The following CREM variants were observed in gnomAD, a reference collection of about 807,000 sequenced individuals.
CREM encodes the protein cAMP-responsive element modulator.
A neutral mutation model predicts 37.3 loss-of-function variants in CREM; 13 were observed. That is an observed-to-expected ratio of 0.35 (90% CI 0.23 to 0.55). The LOEUF (loss-of-function observed/expected upper bound fraction) is 0.55, where lower values mean the gene tolerates loss of function less well. Among genes scored for constraint, CREM ranks in the 20% least tolerant of loss-of-function variants. CREM has a pLI of 0.88. For synonymous variants in CREM, 124 were observed against 120.2 expected (o/e 1.03, Z -0.21); for missense variants, 296 against 362.3 (o/e 0.82, Z 1.49).
chr10:35,195,963 C>T (rs1382739365), intron 6 of CREM: 1 of 1,295,566 alleles, frequency 7.7e-7, no homozygotes, highest in African/African-American at 1.5e-5. Flanking sequence ...CTCCAAGCTG[C>T]CTTTTAGACT....
chr10:35,196,145 G>A (rs1253641375), intron 6 of CREM: 4 of 1,602,628 alleles, frequency 2.5e-6, no homozygotes, highest in Middle Eastern at 1.7e-4. Flanking sequence ...TGCGCCTGGT[G>A]AGAAATGGAT....
chr10:35,157,320 C>CT (rs2092975800), intron 3 of CREM, among the ~76,000 whole-genome samples: 1 of 152,052 alleles, frequency 6.6e-6, no homozygotes, highest in South Asian at 2.1e-4. Context: ...AGCTTTTTCT[C>CT]TAAGATCTGG....
At chr10:35,146,616 A>G (rs1440977343) in intron 2 of CREM, among the ~76,000 whole-genome samples, 1 of 152,158 alleles carries the variant, frequency 6.6e-6, no homozygotes, top group Non-Finnish European at 1.5e-5. Context: ...TGGAGAGGCC[A>G]CTCTGGGAAG....
chr10:35,139,851 A>C (rs554700080), intron 2 of CREM, among the ~76,000 whole-genome samples: 2 of 152,312 alleles, frequency 1.3e-5, no homozygotes, highest in Admixed American at 6.5e-5. Context: ...TGATTTATAG[A>C]TGTTAATGTT....
intron 5 of CREM, 75 bp from the exon 6 acceptor site, chr10:35,188,125 G>A: frequency 7.3e-7 from 1 of 1,373,074 alleles, no homozygotes; most frequent in Non-Finnish European, 9.9e-7. Flanking sequence ...TAGACCCAGA[G>A]TATATTCTTC....
chr10:35,137,364 T>G (rs989181010), intron 1 of CREM, among the ~76,000 whole-genome samples: 1 of 152,168 alleles, frequency 6.6e-6, no homozygotes, highest in Admixed American at 6.5e-5. Context: ...GAGTGAAATA[T>G]AAGGAAATAA....
chr10:35,196,041 A>C, intron 6 of CREM: 2 of 1,613,828 alleles, frequency 1.2e-6, no homozygotes, highest in Non-Finnish European at 1.7e-6. Context: ...GAAGAGGGAA[A>C]CACGTCATGA....
At chr10:35,156,152 G>A (rs1458482981) in intron 3 of CREM, among the ~76,000 whole-genome samples, 2 of 151,416 alleles carry the variant, frequency 1.3e-5, no homozygotes, top group East Asian at 3.9e-4. Flanking sequence ...TGGTAGCCAG[G>A]ATGGTCTCAA....
At chr10:35,149,900 A>G (rs2092454344) in intron 3 of CREM, among the ~76,000 whole-genome samples, 1 of 105,792 alleles carries the variant, frequency 9.5e-6, no homozygotes, top group South Asian at 3.0e-4. Context: ...ACACACACAC[A>G]CACACACACA....
At position 35,144,738 on chromosome 10, in the gene CREM, CT is replaced by C. The variant is rs34780156; in HGVS notation, c.45-3617del. 1.2e-3 allele frequency among the ~76,000 whole-genome samples: 183 copies of C among 146,864 alleles called. 1 individual carries two copies. Among genetic ancestry groups the C allele is most frequent in the South Asian group, 1.9e-3 (9 of 4,616 alleles). ...TAGTTTATCTTTTTAATCATTAAAA[CT>C]TTTTTTTTTTTTGATGGGAGACTTC... On this transcript the variant is annotated intron_variant, in intron 2 of 7. Transcript: ENST00000685392.
At chr10:35,164,008 A>G (rs534209747) in intron 3 of CREM, among the ~76,000 whole-genome samples, 17 of 151,920 alleles carry the variant, frequency 1.1e-4, no homozygotes, top group Non-Finnish European at 4.4e-5. Flanking sequence ...GCCCTAATTT[A>G]TACATGTATT....
intron 2 of CREM, among the ~76,000 whole-genome samples, chr10:35,138,865 G>T (rs931888987): frequency 1.3e-5 from 2 of 151,604 alleles, no homozygotes; most frequent in Non-Finnish European, 2.9e-5. Flanking sequence ...AAGAAGACCA[G>T]CCTGGGTAAC....
intron 6 of CREM, among the ~76,000 whole-genome samples, chr10:35,198,793 TATATC>T (rs748440968): frequency 2.5e-4 from 38 of 152,386 alleles, no homozygotes; most frequent in Non-Finnish European, 3.8e-4. Flanking sequence ...AATAAGGATA[TATATC>T]ACCTTTGTGA....
intron 3 of CREM, among the ~76,000 whole-genome samples, chr10:35,153,786 G>A (rs558336829): frequency 5.3e-5 from 8 of 152,176 alleles, no homozygotes; most frequent in Admixed American, 3.3e-4. Context: ...GAGTCAAAAG[G>A]GGGGAAGGAA....
chr10:35,150,597 G>T (rs185856701), intron 3 of CREM, among the ~76,000 whole-genome samples: 15 of 152,280 alleles, frequency 9.9e-5, no homozygotes, highest in Non-Finnish European at 2.2e-4. Flanking sequence ...CAAAGCAGGT[G>T]GATCGCTTGA....
rs2094356410 is a variant in CREM at position 35,181,664 on chromosome 10, A to G, written c.409+2388A>G. On this transcript the variant is annotated intron_variant, in intron 5 of 7. Coordinates refer to ENST00000685392, the MANE Select transcript of CREM (RefSeq NM_183011.2). Reference sequence around the variant, plus strand: ...TAGGCAATGAGGGTTGCTTGAGGCCAGGACTTTGAGACCAGTCTGGGCAAT... The same window carrying G: ...TAGGCAATGAGGGTTGCTTGAGGCCGGGACTTTGAGACCAGTCTGGGCAAT... Among the ~76,000 whole-genome samples, 4 of 152,330 alleles carry G rather than the reference A, an allele frequency of 2.6e-5. No homozygotes were observed. In the South Asian group the frequency reaches 6.2e-4, roughly 24 times the overall value.
intron 3 of CREM, among the ~76,000 whole-genome samples, chr10:35,149,631 G>A (rs550709085): frequency 6.6e-6 from 1 of 152,192 alleles, no homozygotes; most frequent in Non-Finnish European, 1.5e-5. Context: ...ACATTAAAGG[G>A]AGAATAAAAA....
chr10:35,179,347 A>C, intron 5 of CREM, 71 bp downstream of exon 5: 3 of 1,547,408 alleles, frequency 1.9e-6, no homozygotes, highest in Non-Finnish European at 2.6e-6. Context: ...GAAGCAACTC[A>C]GGTTTTGGCA....
At chr10:35,193,746 A>C (rs1053499330) in intron 6 of CREM, among the ~76,000 whole-genome samples, 8 of 152,172 alleles carry the variant, frequency 5.3e-5, no homozygotes, top group Non-Finnish European at 1.5e-5. Flanking sequence ...AATTAAATAC[A>C]GCTAAAATGT....
Sources: gnomAD v4.1 joint callset for allele counts (sites outside exome capture counted in the v4.1 genomes callset) on GRCh38, gnomAD v4.1.1 for gene constraint, MANE v1.5 for transcripts, NCBI Gene and HGNC (gene_info 2026-07-23, HGNC 2026-07-21) for gene names.